DCC: variants seen among roughly 807,000 people sequenced by gnomAD.
The protein encoded by DCC is netrin receptor DCC.
A neutral mutation model predicts 172.5 loss-of-function variants in DCC; 58 were observed. The ratio of observed to expected loss-of-function variants is 0.34; its 90% CI spans 0.27 to 0.42. The LOEUF (loss-of-function observed/expected upper bound fraction) is 0.42. Among genes scored for constraint, DCC ranks in the 10% least tolerant of loss-of-function variants. The pLI, the probability that DCC is intolerant of heterozygous loss-of-function variation, is 1.00. For synonymous variants in DCC, 709 were observed against 644.5 expected (o/e 1.10, Z -1.52); for missense variants, 1,740 against 1,791.0 (o/e 0.97, Z 0.51).
At chr18:52,846,608 A>AACACACACACACACACAC (rs71175524) in intron 2 of DCC, among the ~76,000 whole-genome samples, 29 of 130,590 alleles carry the variant, frequency 2.2e-4, no homozygotes, top group Admixed American at 4.7e-4. Context: ...TGCCACTCCA[A>AACACACACACACACACAC]ACACACACAC....
At chr18:52,581,229 G>GT (rs2033543864) in intron 1 of DCC, among the ~76,000 whole-genome samples, 1 of 5,392 alleles carries the variant, frequency 1.9e-4, no homozygotes, top group Non-Finnish European at 7.3e-4. Flanking sequence ...TTTCTCATAT[G>GT]TTTTAAGAGT....
intron 1 of DCC, among the ~76,000 whole-genome samples, chr18:52,386,659 C>G (rs1029666641): frequency 3.3e-5 from 5 of 151,912 alleles, no homozygotes; most frequent in African/African-American, 1.2e-4. Flanking sequence ...ATGGTTTAGG[C>G]AGAGGGAAAG....
At chr18:53,354,393 T>G (rs2057852327) in intron 15 of DCC, among the ~76,000 whole-genome samples, 2 of 152,172 alleles carry the variant, frequency 1.3e-5, no homozygotes, top group Non-Finnish European at 2.9e-5. Flanking sequence ...TGTAAAAGTG[T>G]TCCTATTTCT....
chr18:52,828,159 T>C (rs1283812154), intron 2 of DCC, among the ~76,000 whole-genome samples: 1 of 152,184 alleles, frequency 6.6e-6, no homozygotes, highest in Non-Finnish European at 1.5e-5. Flanking sequence ...CAGTTCATAC[T>C]CTACATACTA....
At chr18:52,852,187 T>C (rs926405369) in intron 2 of DCC, among the ~76,000 whole-genome samples, 4 of 152,046 alleles carry the variant, frequency 2.6e-5, no homozygotes, top group African/African-American at 9.7e-5. Flanking sequence ...AGAGAAGAAA[T>C]AAAAATCAAT....
At chr18:53,480,555 A>C (rs560774689) in intron 25 of DCC, among the ~76,000 whole-genome samples, 9 of 152,322 alleles carry the variant, frequency 5.9e-5, no homozygotes, top group African/African-American at 2.2e-4. Flanking sequence ...AGGATGTTTT[A>C]AACAATATTT....
chr18:52,581,796 A>G (rs779222547), intron 1 of DCC, among the ~76,000 whole-genome samples: 1 of 152,180 alleles, frequency 6.6e-6, no homozygotes, highest in Non-Finnish European at 1.5e-5. Flanking sequence ...CACAATCACA[A>G]TATGCTCAAA....
chr18:52,745,842 G>A (rs2036898245), intron 1 of DCC, among the ~76,000 whole-genome samples: 1 of 152,120 alleles, frequency 6.6e-6, no homozygotes, highest in Non-Finnish European at 1.5e-5. Context: ...TTAACATTGT[G>A]CGTTTTCAGC....
intron 8 of DCC, among the ~76,000 whole-genome samples, chr18:53,165,179 C>T (rs1598865544): frequency 6.6e-6 from 1 of 152,122 alleles, no homozygotes; most frequent in African/African-American, 2.4e-5. Context: ...GCAGAGAAGG[C>T]TCCAAGATAG....
At chr18:53,524,610 G>T (rs1443585726) in intron 27 of DCC, among the ~76,000 whole-genome samples, 1 of 152,024 alleles carries the variant, frequency 6.6e-6, no homozygotes, top group African/African-American at 2.4e-5. Flanking sequence ...TGCTGGAGTT[G>T]ATTAAAGTCT....
At chr18:53,031,621 A>G (rs1165654271) in intron 5 of DCC, among the ~76,000 whole-genome samples, 1 of 152,172 alleles carries the variant, frequency 6.6e-6, no homozygotes, top group African/African-American at 2.4e-5. Flanking sequence ...GGAGATTAAT[A>G]GAACTAAAAA....
At chr18:53,351,395 T>TATATACAC (rs2057802737) in intron 15 of DCC, among the ~76,000 whole-genome samples, 1 of 29,760 alleles carries the variant, frequency 3.4e-5, no homozygotes, top group East Asian at 8.5e-4. Flanking sequence ...TATATATATA[T>TATATACAC]ACAGTGTATA....
At chr18:52,856,285 A>G (rs183236734) in intron 2 of DCC, among the ~76,000 whole-genome samples, 3 of 152,072 alleles carry the variant, frequency 2.0e-5, no homozygotes, top group Non-Finnish European at 4.4e-5. Context: ...ATGTCTTTTT[A>G]AGATGTTTAT....
At chr18:52,854,905 G>T (rs1399711799) in intron 2 of DCC, among the ~76,000 whole-genome samples, 2 of 152,148 alleles carry the variant, frequency 1.3e-5, no homozygotes, top group Non-Finnish European at 2.9e-5. Flanking sequence ...AGAGATAATT[G>T]GCCCCCACAG....
intron 14 of DCC, among the ~76,000 whole-genome samples, chr18:53,338,385 C>T (rs370350463): frequency 3.9e-5 from 6 of 152,108 alleles, no homozygotes; most frequent in Non-Finnish European, 8.8e-5. Flanking sequence ...AGGTGGATCA[C>T]GAGGTCAGAA....
chr18:53,399,524 T>G (rs1169195957), intron 18 of DCC, among the ~76,000 whole-genome samples: 2 of 152,114 alleles, frequency 1.3e-5, no homozygotes, highest in Non-Finnish European at 2.9e-5. Context: ...ACAATTCCTA[T>G]GGCTGAAATC....
chr18:53,232,938 T>C (rs1257877034), intron 12 of DCC, among the ~76,000 whole-genome samples: 1 of 132,138 alleles, frequency 7.6e-6, no homozygotes, highest in Non-Finnish European at 1.7e-5. Flanking sequence ...TCCTTTCTTT[T>C]TTTTTTTTCC....
intron 1 of DCC, among the ~76,000 whole-genome samples, chr18:52,421,745 A>G (rs1256355886): frequency 6.6e-6 from 1 of 152,200 alleles, no homozygotes; most frequent in Non-Finnish European, 1.5e-5. Context: ...TGTATTTGCC[A>G]AGAACCAGAG....
intron 2 of DCC, among the ~76,000 whole-genome samples, chr18:52,776,760 T>A (rs1318009949): frequency 2.6e-5 from 4 of 152,150 alleles, no homozygotes; most frequent in African/African-American, 7.2e-5. Context: ...CTCAACAAAC[T>A]AAGTGTAAAA....
Sources: gnomAD v4.1 joint callset for allele counts (sites outside exome capture counted in the v4.1 genomes callset) on GRCh38, gnomAD v4.1.1 for gene constraint, MANE v1.5 for transcripts, NCBI Gene and HGNC (gene_info 2026-07-23, HGNC 2026-07-21) for gene names.